KITLG: variants seen among roughly 807,000 people sequenced by gnomAD.
The protein encoded by KITLG is KIT ligand.
In KITLG, 13 loss-of-function variants were observed where a neutral mutation model predicts 34.1. The ratio of observed to expected loss-of-function variants is 0.38; its 90% CI spans 0.25 to 0.61. KITLG has a LOEUF of 0.61. Among genes scored for constraint, KITLG ranks in the 20% least tolerant of loss-of-function variants. The probability of loss-of-function intolerance (pLI) is 0.60; values close to 1 mark genes in which losing one functional copy is unlikely to be tolerated. For missense variants in KITLG, 292 were observed against 318.9 expected (o/e 0.92, Z 0.64); for synonymous variants, 110 against 104.0 (o/e 1.06, Z -0.35).
intron 6 of KITLG, among the ~76,000 whole-genome samples, chr12:88,513,102 T>C (rs557665334): frequency 4.1e-4 from 63 of 151,830 alleles, no homozygotes; most frequent in Non-Finnish European, 6.8e-4. Flanking sequence ...TTATAACTGA[T>C]GTAGATATGT....
intron 1 of KITLG, among the ~76,000 whole-genome samples, chr12:88,573,744 A>G (rs1365284126): frequency 1.3e-5 from 2 of 152,214 alleles, no homozygotes; most frequent in African/African-American, 4.8e-5. Flanking sequence ...CAGGGATGCA[A>G]TTATGCAGTG....
At chr12:88,570,663 A>G (rs1284871654) in intron 1 of KITLG, among the ~76,000 whole-genome samples, 2 of 152,200 alleles carry the variant, frequency 1.3e-5, no homozygotes, top group Non-Finnish European at 2.9e-5. Context: ...CTTGGCTTCA[A>G]ATACAAACTC....
chr12:88,533,204 G>A (rs908336775), intron 2 of KITLG, among the ~76,000 whole-genome samples: 2 of 152,124 alleles, frequency 1.3e-5, no homozygotes, highest in Non-Finnish European at 2.9e-5. Context: ...TCTTTTGAAG[G>A]CTTTAAATAA....
chr12:88,574,750 T>C (rs1871774709), intron 1 of KITLG, among the ~76,000 whole-genome samples: 1 of 152,126 alleles, frequency 6.6e-6, no homozygotes, highest in African/African-American at 2.4e-5. Flanking sequence ...AACAGGCAAA[T>C]ACAGGGAAGC....
intron 9 of KITLG, among the ~76,000 whole-genome samples, chr12:88,503,020 G>T (rs1413013424): frequency 3.9e-5 from 6 of 152,090 alleles, no homozygotes; most frequent in African/African-American, 1.4e-4. Flanking sequence ...AATAAAAAGT[G>T]TCAAGCAAAC....
chr12:88,493,079 C>A lies in KITLG; in HGVS notation c.*4140G>T, dbSNP rs1437758439. ...ATCTGCGCATCCATCTAAATTAATA[C>A]TTTTCAAGTCCATTGATTTAAAAAA... On this transcript the variant is annotated 3_prime_UTR_variant, in exon 10 of 10. Coordinates refer to ENST00000644744, the MANE Select transcript of KITLG (RefSeq NM_000899.5). The A allele has an allele frequency of 2.0e-5, 3 of 152,170 alleles. No individual in the cohort carries two copies. The highest frequency in any genetic ancestry group is 6.6e-5 in the Admixed American group (1 of 15,194). The allele number at this position is 152,170 out of a possible 1,614,324, so 9.4% of individuals were successfully genotyped here.
chr12:88,537,665 T>G (rs1870376892), intron 2 of KITLG, among the ~76,000 whole-genome samples: 1 of 151,456 alleles, frequency 6.6e-6, no homozygotes, highest in Admixed American at 6.6e-5. Context: ...CCACAAATAT[T>G]CTAAAATCTG....
intron 8 of KITLG, among the ~76,000 whole-genome samples, chr12:88,505,849 GA>G (rs1869037763): frequency 6.6e-6 from 1 of 152,168 alleles, no homozygotes; most frequent in East Asian, 1.9e-4. Flanking sequence ...AAGGGCTAAA[GA>G]AAAGATCAGT....
intron 1 of KITLG, among the ~76,000 whole-genome samples, chr12:88,578,029 T>A (rs966791390): frequency 2.0e-5 from 3 of 152,216 alleles, no homozygotes. Context: ...CTGGTGAGGA[T>A]AACATTAGAA....
Position 88,579,094 on chromosome 12 carries a change from A to G in KITLG, c.15+1170T>C, listed in dbSNP as rs1011877819. Among the ~76,000 whole-genome samples, 23 of 152,320 alleles carry G rather than the reference A, an allele frequency of 1.5e-4. 1 individual carries two copies. The highest frequency in any genetic ancestry group is 6.8e-3 in the Middle Eastern group (2 of 294). Reference sequence around the variant, plus strand: ...TTCCCCTGCCTTTTACCACACCGGTACAAGGGGCTAGAGTCTTGCAACTTT... The same window carrying G: ...TTCCCCTGCCTTTTACCACACCGGTGCAAGGGGCTAGAGTCTTGCAACTTT... On this transcript the variant is annotated intron_variant, in intron 1 of 9. Transcript: ENST00000644744.
intron 6 of KITLG, among the ~76,000 whole-genome samples, chr12:88,512,335 G>A (rs113015131): frequency 6.6e-6 from 1 of 152,024 alleles, no homozygotes; most frequent in Admixed American, 6.6e-5. Flanking sequence ...AAGCAGACAA[G>A]TAGAAATTAC....
At chr12:88,505,772 A>G (rs1043926073) in intron 8 of KITLG, among the ~76,000 whole-genome samples, 21 of 152,306 alleles carry the variant, frequency 1.4e-4, no homozygotes, top group Non-Finnish European at 2.8e-4. Context: ...CACTGAACGT[A>G]TTTTGAATAA....
At chr12:88,545,011 C>T (rs1156681275) in intron 2 of KITLG, among the ~76,000 whole-genome samples, 1 of 152,136 alleles carries the variant, frequency 6.6e-6, no homozygotes, top group Non-Finnish European at 1.5e-5. Flanking sequence ...CTTTGTTCAT[C>T]CCGAAATCAT....
chr12:88,525,302 C>T (rs1004080587), intron 3 of KITLG, among the ~76,000 whole-genome samples: 1 of 152,182 alleles, frequency 6.6e-6, no homozygotes, highest in African/African-American at 2.4e-5. Flanking sequence ...TCTTTAGTGT[C>T]CTTATAATAA....
chr12:88,560,218 A>C (rs1432131349), intron 1 of KITLG, among the ~76,000 whole-genome samples: 1 of 152,204 alleles, frequency 6.6e-6, no homozygotes, highest in Non-Finnish European at 1.5e-5. Context: ...TAATGCTCTA[A>C]TTATTATTTT....
At chr12:88,568,884 G>GT (rs1382597565) in intron 1 of KITLG, among the ~76,000 whole-genome samples, 1 of 152,152 alleles carries the variant, frequency 6.6e-6, no homozygotes, top group Non-Finnish European at 1.5e-5. Context: ...AAGCTGCAAA[G>GT]TATTATTCTT....
chr12:88,507,095 G>T lies in KITLG; in HGVS notation c.647C>A (p.Ala216Glu). Reference sequence around the variant, plus strand: ...AAACAATGCTGGCAATGCCATGGCTGCCCAGTGTAGGCTGGAGTCTCCAGG... The same window carrying T: ...AAACAATGCTGGCAATGCCATGGCTTCCCAGTGTAGGCTGGAGTCTCCAGG... ...NPPGDSSLHWAAMALPALFSL... is the reference protein window; with the variant it reads ...NPPGDSSLHWEAMALPALFSL... The change falls in exon 7 of 10, where the codon GCA becomes GAA. Residue 216 changes from alanine (A) to glutamate (E), a missense_variant. This residue lies in a region of KITLG where 140 missense variants were observed against 111.0 expected (regional missense o/e 1.26). Transcript: ENST00000644744. 6.2e-7 allele frequency: 1 copy of T among 1,613,700 alleles called. No homozygotes were observed. Among genetic ancestry groups the T allele is most frequent in the East Asian group, 2.2e-5 (1 of 44,852 alleles).
At chr12:88,524,799 C>T (rs1869804949) in intron 3 of KITLG, among the ~76,000 whole-genome samples, 1 of 152,182 alleles carries the variant, frequency 6.6e-6, no homozygotes, top group African/African-American at 2.4e-5. Flanking sequence ...ATTCAACTAA[C>T]ATTTTATGCT....
At chr12:88,526,425 C>T (rs1169354023) in intron 3 of KITLG, among the ~76,000 whole-genome samples, 2 of 152,176 alleles carry the variant, frequency 1.3e-5, no homozygotes, top group Non-Finnish European at 2.9e-5. Context: ...ATCTGTGCCT[C>T]AAGGAAATTA....
Sources: allele counts gnomAD v4.1 joint callset (sites outside exome capture counted in the v4.1 genomes callset), GRCh38; gene constraint gnomAD v4.1.1; regional missense constraint gnomAD v4.1.1; transcripts MANE v1.5; gene names NCBI Gene and HGNC (gene_info 2026-07-23, HGNC 2026-07-21).